The following MVB12B variants were observed in gnomAD, a reference collection of about 807,000 sequenced individuals.
MVB12B encodes multivesicular body subunit 12B, also known as ESCRT-I complex subunit MVB12B.
MVB12B carries 16 observed loss-of-function variants against 41.6 expected under a neutral mutation model. The ratio of observed to expected loss-of-function variants is 0.38; its 90% CI spans 0.26 to 0.58. The LOEUF is 0.58. Ranked by LOEUF, MVB12B falls within the 20% of genes least tolerant of loss-of-function variation. MVB12B has a pLI of 0.62. For missense variants in MVB12B, 274 were observed against 380.2 expected (o/e 0.72, Z 2.32); for synonymous variants, 133 against 139.7 (o/e 0.95, Z 0.34).
In MVB12B at chr9:126,415,589, G is replaced by A. The variant is rs114552782; in HGVS notation, c.663-6265G>A. On this transcript the variant is annotated intron_variant, in intron 6 of 9. Coordinates refer to ENST00000361171, the MANE Select transcript of MVB12B (RefSeq NM_033446.3). ...TTCCAAGCCATTAACCAACCCAGTC[G>A]TGGGGATGAGAAGGAGAGAAGAGAC... is the stretch of plus-strand genomic sequence containing the variant. Among the ~76,000 whole-genome samples the A allele has an allele frequency of 2.6e-3, 398 of 152,290 alleles. 3 individuals carry two copies. The Middle Eastern group carries it at 0.027, about 10-fold the overall frequency.
chr9:126,433,675 A>G (rs1832387723), intron 7 of MVB12B, among the ~76,000 whole-genome samples: 1 of 151,966 alleles, frequency 6.6e-6, no homozygotes, highest in African/African-American at 2.4e-5. Flanking sequence ...CTAAGAGCCA[A>G]CTTCTCCTAA....
At chr9:126,339,852 G>A (rs991030220) in intron 1 of MVB12B, among the ~76,000 whole-genome samples, 1 of 152,004 alleles carries the variant, frequency 6.6e-6, no homozygotes, top group Non-Finnish European at 1.5e-5. Flanking sequence ...TGACTCTCTT[G>A]GTCCTCACAG....
chr9:126,419,341 C>T (rs1831928759), intron 6 of MVB12B, among the ~76,000 whole-genome samples: 1 of 152,216 alleles, frequency 6.6e-6, no homozygotes, highest in African/African-American at 2.4e-5. Context: ...TAGTCACACA[C>T]ACAAAGCCCT....
intron 1 of MVB12B, among the ~76,000 whole-genome samples, chr9:126,330,143 G>A (rs1829088729): frequency 1.3e-5 from 2 of 152,108 alleles, no homozygotes; most frequent in Non-Finnish European, 1.5e-5. Context: ...CACGCTTCTG[G>A]CGAGATGCAG....
chr9:126,409,378 G>C (rs918892700), intron 6 of MVB12B, among the ~76,000 whole-genome samples: 7 of 148,692 alleles, frequency 4.7e-5, no homozygotes, highest in African/African-American at 1.7e-4. Context: ...ACTCACAGGC[G>C]GTGTTACTTT....
In MVB12B at chr9:126,478,670, C is replaced by T. The variant is rs1281626276; in HGVS notation, c.758-2699C>T. 6.6e-6 allele frequency among the ~76,000 whole-genome samples: 1 copy of T among 152,132 alleles called. No individual in the cohort carries two copies. The highest frequency in any genetic ancestry group is 1.5e-5 in the Non-Finnish European group (1 of 68,012). ...AGACCCCCATCTTGGAAATCCTGCC[C>T]TTCTCTGTCCATTGGAGGCACAGGC... On this transcript the variant is annotated intron_variant, in intron 7 of 9. Coordinates refer to ENST00000361171, the MANE Select transcript of MVB12B (RefSeq NM_033446.3). This position sits in a 1 kb window ranked among gnomAD's most constrained non-coding sequence, Gnocchi z 4.2.
intron 9 of MVB12B, among the ~76,000 whole-genome samples, chr9:126,495,420 G>A (rs1833810088): frequency 6.6e-6 from 1 of 152,190 alleles, no homozygotes; most frequent in South Asian, 2.1e-4. Flanking sequence ...ACCACAAAAT[G>A]TGCTTTCTCC....
chr9:126,446,292 T>C (rs1442152232), intron 7 of MVB12B, among the ~76,000 whole-genome samples: 2 of 152,150 alleles, frequency 1.3e-5, no homozygotes, highest in Admixed American at 1.3e-4. Context: ...AAGTTATTGT[T>C]ATATTTCTGA....
Position 126,486,629 on chromosome 9 carries a change from G to T in MVB12B, c.873+2597G>T, listed in dbSNP as rs1445767062. 6.6e-6 allele frequency among the ~76,000 whole-genome samples: 1 copy of T among 152,240 alleles called. No homozygotes were observed. Among genetic ancestry groups the T allele is most frequent in the African/African-American group, 2.4e-5 (1 of 41,462 alleles). ...CGGCCTGCCTGTGGGCCTAATGGTGGCACCGTTTAAGCACCTGCTGTGTGC... is the reference window on the plus strand; with the variant it reads ...CGGCCTGCCTGTGGGCCTAATGGTGTCACCGTTTAAGCACCTGCTGTGTGC... On this transcript the variant is annotated intron_variant, in intron 9 of 9. Coordinates refer to ENST00000361171, the MANE Select transcript of MVB12B (RefSeq NM_033446.3). The surrounding 1 kb of genome is among the most constrained non-coding windows in gnomAD (Gnocchi z 4.7).
At chr9:126,426,955 C>T (rs1227600659) in intron 7 of MVB12B, 1 of 152,434 alleles carries the variant, frequency 6.6e-6, no homozygotes, top group Non-Finnish European at 1.5e-5. Flanking sequence ...AAACCTCTAC[C>T]GCCAAAATGA....
chr9:126,488,458 G>A (rs757963191), intron 9 of MVB12B, among the ~76,000 whole-genome samples: 6 of 151,886 alleles, frequency 4.0e-5, no homozygotes, highest in Non-Finnish European at 5.9e-5. Context: ...CCCCAGGCTC[G>A]CCCACGATTC....
At chr9:126,407,542 G>C (rs1228256734) in intron 6 of MVB12B, among the ~76,000 whole-genome samples, 1 of 152,166 alleles carries the variant, frequency 6.6e-6, no homozygotes, top group Non-Finnish European at 1.5e-5. Context: ...CTCTCTGTGA[G>C]TGTCTGAGTT....
In MVB12B at chr9:126,436,865, G is replaced by A. The variant is rs544517194; in HGVS notation, c.757+14917G>A. ...ATTTGCTTTCTTTAATTTTTTCCATGTTTGTGTCCTGAATCAGTTAATTTA... is the reference window on the plus strand; with the variant it reads ...ATTTGCTTTCTTTAATTTTTTCCATATTTGTGTCCTGAATCAGTTAATTTA... On this transcript the variant is annotated intron_variant, in intron 7 of 9. Coordinates refer to ENST00000361171, the MANE Select transcript of MVB12B (RefSeq NM_033446.3). The surrounding 1 kb of genome is among the most constrained non-coding windows in gnomAD (Gnocchi z 4.1). 6.6e-6 allele frequency among the ~76,000 whole-genome samples: 1 copy of A among 152,292 alleles called. No homozygotes were observed. The highest frequency in any genetic ancestry group is 1.9e-4 in the East Asian group (1 of 5,188).
In MVB12B at chr9:126,376,389, C is replaced by A; in HGVS notation, c.205-4675C>A. ...TTTTTTCTATTTTGGGCCCTTCTGT[C>A]ATGTCTGAGCCTGTCCCCAGTGCCT... On this transcript the variant is annotated intron_variant, in intron 2 of 9. Transcript: ENST00000361171. The surrounding 1 kb of genome is among the most constrained non-coding windows in gnomAD (Gnocchi z 4.1). 1 of 693,468 alleles carries A rather than the reference C, an allele frequency of 1.4e-6. No homozygotes were observed. The highest frequency in any genetic ancestry group is 2.2e-6 in the Non-Finnish European group (1 of 448,062). 43.0% of individuals were successfully genotyped at this position (693,468 alleles called of 1,614,324 possible).
At position 126,421,968 on chromosome 9, in the gene MVB12B, C is replaced by T. The variant is rs192298933; in HGVS notation, c.757+20C>T. Reference sequence around the variant, plus strand: ...TATCAGGTATGTGGAGCCACCGCTGCAGGCCAGCTACAGAGTCTGTGTCCC... The same window carrying T: ...TATCAGGTATGTGGAGCCACCGCTGTAGGCCAGCTACAGAGTCTGTGTCCC... On this transcript the variant is annotated intron_variant, in intron 7 of 9. Coordinates refer to ENST00000361171, the MANE Select transcript of MVB12B (RefSeq NM_033446.3). The T allele has an allele frequency of 3.8e-6, 6 of 1,571,016 alleles. No individual in the cohort carries two copies. Among genetic ancestry groups the T allele is most frequent in the African/African-American group, 1.3e-5 (1 of 74,126 alleles).
At chr9:126,483,604 C>T (rs776935923) in intron 8 of MVB12B, among the ~76,000 whole-genome samples, 5 of 152,106 alleles carry the variant, frequency 3.3e-5, no homozygotes, top group Admixed American at 6.5e-5. Context: ...ATAGCTGCAG[C>T]GAGAAAGAGC....
intron 1 of MVB12B, among the ~76,000 whole-genome samples, chr9:126,331,464 A>T (rs1245402533): frequency 6.6e-6 from 1 of 152,040 alleles, no homozygotes; most frequent in Non-Finnish European, 1.5e-5. Flanking sequence ...AAATTAAGGA[A>T]TTTGTTTTTT....
intron 2 of MVB12B, among the ~76,000 whole-genome samples, chr9:126,345,598 C>T (rs372133165): frequency 3.3e-5 from 5 of 152,292 alleles, no homozygotes; most frequent in African/African-American, 1.2e-4. Flanking sequence ...AGCCACTCCC[C>T]AGGAGGTCTC....
intron 6 of MVB12B, chr9:126,397,024 C>T: frequency 1.0e-6 from 1 of 985,592 alleles, no homozygotes; most frequent in Non-Finnish European, 1.2e-6. Context: ...GTCACCTGTG[C>T]TGGGGAGTCA....
Sources: gnomAD v4.1 joint callset for allele counts (sites outside exome capture counted in the v4.1 genomes callset) on GRCh38, gnomAD v4.1.1 for gene constraint, Gnocchi (gnomAD v3.1) non-coding constraint, MANE v1.5 for transcripts, NCBI Gene and HGNC (gene_info 2026-07-23, HGNC 2026-07-21) for gene names.